Variants in COLGALT2 observed in about 807,000 individuals in gnomAD.
COLGALT2 encodes the protein collagen beta(1-O)galactosyltransferase 2.
COLGALT2 carries 49 observed loss-of-function variants against 73.4 expected under a neutral mutation model. That is an observed-to-expected ratio of 0.67 (90% CI 0.53 to 0.85). The LOEUF (loss-of-function observed/expected upper bound fraction) is 0.85. Among genes scored for constraint, COLGALT2 ranks in the 40% least tolerant of loss-of-function variants. The probability of loss-of-function intolerance (pLI) is 0.00; values close to 1 mark genes in which losing one functional copy is unlikely to be tolerated. For missense variants in COLGALT2, 722 were observed against 790.2 expected (o/e 0.91, Z 1.03); for synonymous variants, 295 against 307.6 (o/e 0.96, Z 0.43).
At chr1:183,956,502 A>G (rs1670558793) in intron 6 of COLGALT2, among the ~76,000 whole-genome samples, 1 of 152,198 alleles carries the variant, frequency 6.6e-6, no homozygotes, top group South Asian at 2.1e-4. Flanking sequence ...TAAGAGAAAG[A>G]AGCTTAATGT....
rs1223260344 is a variant in COLGALT2, at chr1:183,938,213, A to ATTTT, written c.*547_*548insAAAA. On this transcript the variant is annotated 3_prime_UTR_variant, in exon 12 of 12. Coordinates refer to ENST00000361927, the MANE Select transcript of COLGALT2 (RefSeq NM_015101.4). ...GGGACTAAGATTTTTTTTTTTTAAAAAATCTACTTTTCAATAAGACTTGTG... is the reference window on the plus strand; with the variant it reads ...GGGACTAAGATTTTTTTTTTTTAAAATTTTAATCTACTTTTCAATAAGACTTGTG... The ATTTT allele has an allele frequency of 2.5e-5, 16 of 642,314 alleles. No homozygotes were observed. In the South Asian group the frequency reaches 7.4e-4, roughly 30 times the overall value. The allele number at this position is 642,314 out of a possible 1,614,324, so 39.8% of individuals were successfully genotyped here.
At chr1:183,994,382 T>C (rs908287638) in intron 1 of COLGALT2, among the ~76,000 whole-genome samples, 4 of 152,030 alleles carry the variant, frequency 2.6e-5, no homozygotes, top group Admixed American at 2.0e-4. Flanking sequence ...GTATTCTCCG[T>C]ATCTTATGGA....
At chr1:183,935,551 G>A (rs1572622873), downstream of COLGALT2, among the ~76,000 whole-genome samples, 1 of 152,232 alleles carries the variant, frequency 6.6e-6, no homozygotes, top group East Asian at 1.9e-4. Flanking sequence ...CTGACCTGTA[G>A]CACAAAATGC....
intron 1 of COLGALT2, among the ~76,000 whole-genome samples, chr1:183,996,991 G>A (rs1671787249): frequency 6.6e-6 from 1 of 152,214 alleles, no homozygotes; most frequent in Admixed American, 6.5e-5. Flanking sequence ...AGGTGAATGA[G>A]TGAATGGACA....
rs184366076 is a variant in COLGALT2 at position 184,033,366 on chromosome 1, A to G, written c.263+3729T>C. Among the ~76,000 whole-genome samples, 235 of 152,308 alleles carry G rather than the reference A, an allele frequency of 1.5e-3. 1 individual carries two copies. Among genetic ancestry groups the G allele is most frequent in the African/African-American group, 5.3e-3 (222 of 41,568 alleles). On this transcript the variant is annotated intron_variant, in intron 1 of 11. Coordinates refer to ENST00000361927, the MANE Select transcript of COLGALT2 (RefSeq NM_015101.4). ...ACTACCACTTGTCACAATGCCTCAC[A>G]GTTCCCTTCATCTCAGCATATTCCC...
intron 1 of COLGALT2, among the ~76,000 whole-genome samples, chr1:184,003,866 G>A (rs575661614): frequency 6.6e-6 from 1 of 152,184 alleles, no homozygotes; most frequent in South Asian, 2.1e-4. Context: ...CTAGTAACAC[G>A]ACTCTGAAAG....
chr1:184,027,777 C>A (rs144235547), intron 1 of COLGALT2, among the ~76,000 whole-genome samples: 1 of 152,184 alleles, frequency 6.6e-6, no homozygotes, highest in African/African-American at 2.4e-5. Context: ...TGGAAACCAA[C>A]GTACCCAATA....
intron 1 of COLGALT2, among the ~76,000 whole-genome samples, chr1:184,018,732 A>T (rs184511931): frequency 6.6e-6 from 1 of 152,332 alleles, no homozygotes; most frequent in African/African-American, 2.4e-5. Flanking sequence ...GTCAAATTTG[A>T]CACAGAAGCC....
chr1:183,993,192 A>G (rs2102831681), intron 1 of COLGALT2, among the ~76,000 whole-genome samples: 1 of 152,370 alleles, frequency 6.6e-6, no homozygotes, highest in Non-Finnish European at 1.5e-5. Context: ...CATAATCCAT[A>G]TCTGGAAAGT....
Position 183,967,014 on chromosome 1 carries a change from T to A in COLGALT2, c.832+2255A>T, listed in dbSNP as rs534944581. ...AAGAGTGAGAACAAAAGAATACCAATCATATTTCATGAAGAAAGAGGAAAG... is the reference window on the plus strand; with the variant it reads ...AAGAGTGAGAACAAAAGAATACCAAACATATTTCATGAAGAAAGAGGAAAG... On this transcript the variant is annotated intron_variant, in intron 5 of 11. Coordinates refer to ENST00000361927, the MANE Select transcript of COLGALT2 (RefSeq NM_015101.4). Among the ~76,000 whole-genome samples, 216 of 152,282 alleles carry A rather than the reference T, an allele frequency of 1.4e-3. 1 individual carries two copies. Among genetic ancestry groups the A allele is most frequent in the African/African-American group, 5.0e-3 (208 of 41,564 alleles).
In COLGALT2 at chr1:183,944,334, C is replaced by A; in HGVS notation, c.1270-11G>T. 2 of 1,609,548 alleles carry A rather than the reference C, an allele frequency of 1.2e-6. No individual in the cohort carries two copies. The highest frequency in any genetic ancestry group is 2.2e-5 in the South Asian group (2 of 89,836). The stretch of plus-strand genomic sequence containing the variant: ...CTCTCGATCAATTACCTGCAAAAGT[C>A]ATCAGTAGGAAGATACCCTATGAAA... On this transcript the variant is annotated splice_polypyrimidine_tract_variant and intron_variant, in intron 9 of 11. Coordinates refer to ENST00000361927, the MANE Select transcript of COLGALT2 (RefSeq NM_015101.4).
At chr1:183,961,976 A>G (rs572853300) in intron 6 of COLGALT2, among the ~76,000 whole-genome samples, 1 of 152,194 alleles carries the variant, frequency 6.6e-6, no homozygotes, top group Non-Finnish European at 1.5e-5. Context: ...TCATTTAACA[A>G]ATATTTGCTG....
At chr1:184,018,741 C>T (rs1649084342) in intron 1 of COLGALT2, among the ~76,000 whole-genome samples, 1 of 152,036 alleles carries the variant, frequency 6.6e-6, no homozygotes, top group East Asian at 1.9e-4. Context: ...GACACAGAAG[C>T]CTCTACATAA....
At chr1:183,976,393 T>C (rs988852503) in intron 2 of COLGALT2, among the ~76,000 whole-genome samples, 2 of 149,050 alleles carry the variant, frequency 1.3e-5, no homozygotes, top group African/African-American at 2.4e-5. Flanking sequence ...TATAAATATT[T>C]ATAATAATTC....
chr1:184,004,467 A>G (rs1288595948), intron 1 of COLGALT2, among the ~76,000 whole-genome samples: 1 of 152,242 alleles, frequency 6.6e-6, no homozygotes, highest in African/African-American at 2.4e-5. Flanking sequence ...TGTGTTCTAC[A>G]ACATTTTTAG....
chr1:183,951,372 C>T (rs956733824), intron 7 of COLGALT2, among the ~76,000 whole-genome samples: 3 of 152,044 alleles, frequency 2.0e-5, no homozygotes, highest in East Asian at 1.9e-4. Context: ...ATATGTTCTC[C>T]CTTCTCTTGA....
chr1:183,935,685 C>T, downstream of COLGALT2: 1 of 211,098 alleles, frequency 4.7e-6, no homozygotes, highest in Non-Finnish European at 8.2e-6. Flanking sequence ...ACAGTAAGGG[C>T]AGCAACCACC....
intron 1 of COLGALT2, among the ~76,000 whole-genome samples, chr1:183,982,934 G>T (rs537008091): frequency 6.6e-6 from 1 of 152,176 alleles, no homozygotes; most frequent in East Asian, 1.9e-4. Flanking sequence ...TTTTGACAAA[G>T]TTGGTCTTAT....
chr1:183,967,051 G>A (rs1405793055), intron 5 of COLGALT2, among the ~76,000 whole-genome samples: 1 of 152,224 alleles, frequency 6.6e-6, no homozygotes, highest in African/African-American at 2.4e-5. Flanking sequence ...GCTTTGCTTT[G>A]AAACTAAGGA....
Sources: allele counts gnomAD v4.1 joint callset (sites outside exome capture counted in the v4.1 genomes callset), GRCh38; gene constraint gnomAD v4.1.1; transcripts MANE v1.5; gene names NCBI Gene and HGNC (gene_info 2026-07-23, HGNC 2026-07-21).